CIT: variants seen among roughly 807,000 people sequenced by gnomAD.
CIT encodes citron rho-interacting serine/threonine kinase, also known as citron Rho-interacting kinase.
In CIT, 79 loss-of-function variants were observed where a neutral mutation model predicts 272.7. The ratio of observed to expected loss-of-function variants is 0.29; its 90% CI spans 0.24 to 0.35. CIT has a LOEUF of 0.35. Among genes scored for constraint, CIT ranks in the 10% least tolerant of loss-of-function variants. The probability of loss-of-function intolerance (pLI) is 1.00; values close to 1 mark genes in which losing one functional copy is unlikely to be tolerated. For synonymous variants in CIT, 948 were observed against 995.6 expected (o/e 0.95, Z 0.90); for missense variants, 1,909 against 2,618.3 (o/e 0.73, Z 5.91).
At chr12:119,773,196 C>G (rs542058728) in intron 16 of CIT, among the ~76,000 whole-genome samples, 12 of 152,072 alleles carry the variant, frequency 7.9e-5, no homozygotes, top group Non-Finnish European at 1.5e-4. Flanking sequence ...ATGCATTTTT[C>G]TTTCTTGGGG....
intron 10 of CIT, among the ~76,000 whole-genome samples, chr12:119,798,925 C>G (rs1965963845): frequency 1.3e-5 from 2 of 152,206 alleles, no homozygotes; most frequent in Non-Finnish European, 2.9e-5. Context: ...GCTTTACTTT[C>G]TCTCAGTTGT....
chr12:119,748,961 T>A (rs932415011), intron 23 of CIT, among the ~76,000 whole-genome samples: 1 of 152,212 alleles, frequency 6.6e-6, no homozygotes, highest in African/African-American at 2.4e-5. Context: ...GTCTTAAATA[T>A]CAAGTTCAGG....
intron 5 of CIT, among the ~76,000 whole-genome samples, chr12:119,844,736 C>G (rs2138205020): frequency 6.6e-6 from 1 of 152,172 alleles, no homozygotes. Context: ...CAGTAATACC[C>G]AATTGAGCTA....
chr12:119,730,897 GTGGGTGGATTACC>G (rs1288148890), intron 26 of CIT, among the ~76,000 whole-genome samples: 4 of 152,222 alleles, frequency 2.6e-5, no homozygotes, highest in Non-Finnish European at 5.9e-5. Context: ...GGAGGCCAAG[GTGGGTGGATTACC>G]TGAGGTCAGG....
At chr12:119,842,776 T>C (rs1478328493) in intron 5 of CIT, among the ~76,000 whole-genome samples, 2 of 152,226 alleles carry the variant, frequency 1.3e-5, no homozygotes, top group Non-Finnish European at 2.9e-5. Context: ...TGAGTCTATC[T>C]TGAATTACAC....
intron 21 of CIT, 88 bp downstream of exon 21, chr12:119,758,503 G>C: frequency 1.2e-6 from 1 of 836,544 alleles, no homozygotes; most frequent in Middle Eastern, 3.2e-4. Flanking sequence ...ATCCACTCCA[G>C]CTCCATCAAA....
rs1461145017 is a variant in CIT, at chr12:119,804,145, G to A, written c.1112-756C>T. On this transcript the variant is annotated intron_variant, in intron 9 of 47. Transcript: ENST00000392521. This position sits in a 1 kb window ranked among gnomAD's most constrained non-coding sequence, Gnocchi z 5.3. ...CGCTGACGGTGGGAATGCACGGATG[G>A]ACATATGCGGCTCCTACCTCCTCAG... is the stretch of plus-strand genomic sequence containing the variant. 8 of 984,926 alleles carry A rather than the reference G, an allele frequency of 8.1e-6. No individual in the cohort carries two copies. The highest frequency in any genetic ancestry group is 9.6e-6 in the Non-Finnish European group (8 of 829,510). 61.0% of individuals were successfully genotyped at this position (984,926 alleles called of 1,614,324 possible).
At chr12:119,822,228 T>C (rs968713461) in intron 9 of CIT, among the ~76,000 whole-genome samples, 2 of 152,278 alleles carry the variant, frequency 1.3e-5, no homozygotes, top group African/African-American at 4.8e-5. Flanking sequence ...GTGTGGTTTC[T>C]GTTGATAATA....
intron 5 of CIT, among the ~76,000 whole-genome samples, chr12:119,847,268 G>A (rs1174042432): frequency 6.6e-6 from 1 of 152,182 alleles, no homozygotes; most frequent in Non-Finnish European, 1.5e-5. Context: ...ACAGGTGTAA[G>A]CCACCACACC....
intron 7 of CIT, among the ~76,000 whole-genome samples, chr12:119,832,328 A>T (rs1968697913): frequency 6.6e-6 from 1 of 152,228 alleles, no homozygotes; most frequent in Non-Finnish European, 1.5e-5. Flanking sequence ...TGATATTTTG[A>T]GCACTTGGTT....
intron 3 of CIT, among the ~76,000 whole-genome samples, chr12:119,868,137 T>C (rs955064696): frequency 1.1e-3 from 161 of 152,014 alleles, no homozygotes; most frequent in African/African-American, 3.9e-3. Context: ...GTGGAAGGAT[T>C]GCTTGAGCCT....
intron 5 of CIT, among the ~76,000 whole-genome samples, chr12:119,842,899 T>C (rs943054307): frequency 2.6e-5 from 4 of 152,188 alleles, no homozygotes; most frequent in African/African-American, 4.8e-5. Context: ...ATCCAATAAA[T>C]ATTGCTTAAG....
intron 5 of CIT, among the ~76,000 whole-genome samples, chr12:119,845,943 AACACACACACACACACACACACAC>A (rs58381184): frequency 1.5e-5 from 2 of 136,972 alleles, no homozygotes; most frequent in African/African-American, 2.8e-5. Context: ...TCCATCTCAA[AACACACACACACACACACACACAC>A]ACACACACAC....
At chr12:119,827,741 T>C (rs1324108410) in intron 7 of CIT, among the ~76,000 whole-genome samples, 3 of 152,100 alleles carry the variant, frequency 2.0e-5, no homozygotes, top group Non-Finnish European at 4.4e-5. Context: ...CTGGCCACAA[T>C]AGATATTTTT....
intron 26 of CIT, among the ~76,000 whole-genome samples, 181 bp downstream of exon 26, chr12:119,733,983 A>G (rs1347074374): frequency 6.6e-6 from 1 of 151,990 alleles, no homozygotes; most frequent in African/African-American, 2.4e-5. Flanking sequence ...CTACGTTTAC[A>G]ACTAGGGTGA....
Position 119,760,973 on chromosome 12 carries a change from T to C in CIT, c.2387A>G (p.His796Arg), listed in dbSNP as rs760042207. 3.1e-6 allele frequency: 5 copies of C among 1,614,176 alleles called. No homozygotes were observed. In the East Asian group the frequency reaches 1.1e-4, roughly 36 times the overall value. Reference sequence around the variant, plus strand: ...TTCGCTGAGAATTTTGCCCTTCTCATGGGCCTCCTCCTCGTGTCTCTGCAT... The same window carrying C: ...TTCGCTGAGAATTTTGCCCTTCTCACGGGCCTCCTCCTCGTGTCTCTGCAT... ...NMMQRHEEEA[H>R]EKGKILSEQK... Residue 796 changes from histidine (H) to arginine (R), a missense_variant, in exon 20 of 48, where the codon CAT (histidine) becomes CGT (arginine). Physicochemically the swap from His to Arg is conservative, Grantham distance 29 (BLOSUM62 0). Coordinates refer to ENST00000392521, the MANE Select transcript of CIT (RefSeq NM_001206999.2).
chr12:119,814,835 G>A (rs886366810), intron 9 of CIT, among the ~76,000 whole-genome samples: 14 of 151,794 alleles, frequency 9.2e-5, no homozygotes, highest in Admixed American at 2.6e-4. Flanking sequence ...TCAGGAGTTC[G>A]AGACCAGCCT....
intron 3 of CIT, among the ~76,000 whole-genome samples, chr12:119,861,859 GA>G (rs920162571): frequency 2.0e-5 from 3 of 152,164 alleles, no homozygotes; most frequent in African/African-American, 7.2e-5. Flanking sequence ...TTCATCAACA[GA>G]AAAGTTGAAA....
In CIT at chr12:119,857,591, C is replaced by G. The variant is rs1950209501; in HGVS notation, c.346G>C (p.Glu116Gln). The G allele has an allele frequency of 1.2e-6, 2 of 1,614,192 alleles. No homozygotes were observed. The highest frequency in any genetic ancestry group is 1.7e-6 in the Non-Finnish European group (2 of 1,180,038). The change falls in exon 4 of 48, where the codon GAG becomes CAG. Residue 116 changes from glutamate to glutamine, a missense_variant. Glu to Gln is a conservative substitution (Grantham distance 29). Coordinates refer to ENST00000392521, the MANE Select transcript of CIT (RefSeq NM_001206999.2). The stretch of plus-strand genomic sequence containing the variant: ...GCATAGATGTCCCCGGTTGCTTTCT[C>G]TCTTACCACCTGCACTTCAGCAAAG... ...GHFAEVQVVR[E>Q]KATGDIYAMK...
Sources: gnomAD v4.1 joint callset for allele counts (sites outside exome capture counted in the v4.1 genomes callset) on GRCh38, gnomAD v4.1.1 for gene constraint, Gnocchi (gnomAD v3.1) non-coding constraint, MANE v1.5 for transcripts, NCBI Gene and HGNC (gene_info 2026-07-23, HGNC 2026-07-21) for gene names.